Variants in SAMD4A observed in about 807,000 individuals in gnomAD.
The protein encoded by SAMD4A is protein Smaug homolog 1.
A neutral mutation model predicts 81.3 loss-of-function variants in SAMD4A; 33 were observed. The observed-to-expected ratio is 0.41, with a 90% CI of 0.31 to 0.54. The LOEUF (loss-of-function observed/expected upper bound fraction) is 0.54. Among genes scored for constraint, SAMD4A ranks in the 20% least tolerant of loss-of-function variants. The pLI is 0.37. For synonymous variants in SAMD4A, 389 were observed against 382.1 expected, an observed-to-expected ratio of 1.02 and a Z score of -0.21; for missense variants, 854 against 951.1, an observed-to-expected ratio of 0.90 and a Z score of 1.34.
chr14:54,662,843 G>C (rs897100299), intron 2 of SAMD4A, among the ~76,000 whole-genome samples: 2 of 152,152 alleles, frequency 1.3e-5, no homozygotes, highest in Admixed American at 1.3e-4. Flanking sequence ...CACACCCCAC[G>C]TTGACCCCCA....
intron 2 of SAMD4A, among the ~76,000 whole-genome samples, chr14:54,686,804 C>T (rs2036283064): frequency 6.6e-6 from 1 of 152,206 alleles, no homozygotes; most frequent in African/African-American, 2.4e-5. Flanking sequence ...AGGCAGATCA[C>T]ATGGGGGACA....
chr14:54,565,904 G>A (rs1283763308), upstream of SAMD4A, among the ~76,000 whole-genome samples: 1 of 151,390 alleles, frequency 6.6e-6, no homozygotes, highest in Non-Finnish European at 1.5e-5. This position sits in a 1 kb window ranked among gnomAD's most constrained non-coding sequence, Gnocchi z 5.4. Flanking sequence ...CTCCCACTCC[G>A]CTCCCCTCCC....
At chr14:54,772,499 C>G (rs1298861844) in intron 9 of SAMD4A, among the ~76,000 whole-genome samples, 1 of 152,184 alleles carries the variant, frequency 6.6e-6, no homozygotes, top group Non-Finnish European at 1.5e-5. Context: ...CTCCCCTCCC[C>G]TATACAGCTG....
intron 3 of SAMD4A, among the ~76,000 whole-genome samples, chr14:54,722,797 C>G (rs2037296008): frequency 6.6e-6 from 1 of 152,182 alleles, no homozygotes; most frequent in Admixed American, 6.5e-5. Context: ...TGCAGTGTTA[C>G]CTATACCTTC....
chr14:54,638,946 T>C (rs2035101182), intron 2 of SAMD4A, among the ~76,000 whole-genome samples: 1 of 152,230 alleles, frequency 6.6e-6, no homozygotes, highest in South Asian at 2.1e-4. Flanking sequence ...TTTTGCTTCT[T>C]GGCATTTATT....
chr14:54,731,752 G>T (rs1408766976), intron 3 of SAMD4A, among the ~76,000 whole-genome samples: 2 of 152,178 alleles, frequency 1.3e-5, no homozygotes, highest in Admixed American at 6.5e-5. Context: ...TCTCTATGTG[G>T]CTGGACTCAT....
intron 12 of SAMD4A, among the ~76,000 whole-genome samples, chr14:54,787,720 G>GA (rs759091159): frequency 6.6e-6 from 1 of 152,152 alleles, no homozygotes; most frequent in East Asian, 1.9e-4. Flanking sequence ...CTGCTCACTG[G>GA]AAAAAATCCT....
chr14:54,748,992 C>A, intron 5 of SAMD4A, 68 bp downstream of exon 5: 1 of 1,158,808 alleles, frequency 8.6e-7, no homozygotes, highest in South Asian at 1.3e-5. Context: ...AAGGCCTGGA[C>A]AACCTTGTTT....
intron 2 of SAMD4A, among the ~76,000 whole-genome samples, chr14:54,595,269 C>T (rs1269155804): frequency 2.0e-5 from 3 of 152,058 alleles, no homozygotes; most frequent in Non-Finnish European, 4.4e-5. Context: ...TTGAGCACAT[C>T]TTCACTAGAG....
At chr14:54,577,528 C>G (rs1034280224) in intron 2 of SAMD4A, among the ~76,000 whole-genome samples, 4 of 152,208 alleles carry the variant, frequency 2.6e-5, no homozygotes, top group Admixed American at 2.6e-4. Flanking sequence ...ATCCCCTAAA[C>G]CTAAGCTAGA....
At chr14:54,647,678 C>T (rs2035315788) in intron 2 of SAMD4A, among the ~76,000 whole-genome samples, 1 of 152,096 alleles carries the variant, frequency 6.6e-6, no homozygotes, top group African/African-American at 2.4e-5. Context: ...TGTAATATAC[C>T]TTTTCCTTAA....
chr14:54,691,086 G>C (rs762601617), intron 2 of SAMD4A, among the ~76,000 whole-genome samples: 3 of 152,140 alleles, frequency 2.0e-5, no homozygotes, highest in Non-Finnish European at 4.4e-5. Flanking sequence ...GGGCTGTGTG[G>C]GTCTGTAGAC....
rs750710508 is a variant in SAMD4A, at chr14:54,760,441, C to T, written c.1457C>T (p.Ala486Val). Reference sequence around the variant, plus strand: ...AGCTGCGATGGGGAGCTGGCCGTCGCCCCCCTGCCAGAGGGGGACCTCCCC... The same window carrying T: ...AGCTGCGATGGGGAGCTGGCCGTCGTCCCCCTGCCAGAGGGGGACCTCCCC... ...LSSCDGELAV[A>V]PLPEGDLPGQ... The change falls in exon 7 of 13, where the codon GCC becomes GTC. Residue 486 changes from alanine to valine, a missense_variant. Ala to Val is a moderately conservative substitution (Grantham distance 64). Coordinates refer to ENST00000554335, the MANE Select transcript of SAMD4A (RefSeq NM_015589.6). 51 of 1,427,530 alleles carry T rather than the reference C, an allele frequency of 3.6e-5. No individual in the cohort carries two copies. In the East Asian group the frequency reaches 8.2e-4, roughly 23 times the overall value. The allele number at this position is 1,427,530 out of a possible 1,614,324, so 88.4% of individuals were successfully genotyped here. A position where few individuals can be genotyped will look rare whatever the true frequency, so the allele number is the denominator to read the frequency against.
chr14:54,756,104 A>G (rs2038232037), intron 6 of SAMD4A, among the ~76,000 whole-genome samples: 1 of 152,220 alleles, frequency 6.6e-6, no homozygotes, highest in African/African-American at 2.4e-5. Flanking sequence ...GATAAACTTA[A>G]TATTAAATGC....
chr14:54,662,042 T>A (rs2035653488), intron 2 of SAMD4A, among the ~76,000 whole-genome samples: 1 of 152,178 alleles, frequency 6.6e-6, no homozygotes, highest in Non-Finnish European at 1.5e-5. Context: ...GTGATCAGAT[T>A]TGGCAGGTAG....
At chr14:54,615,926 G>A (rs189726052) in intron 2 of SAMD4A, among the ~76,000 whole-genome samples, 9 of 151,322 alleles carry the variant, frequency 5.9e-5, no homozygotes, top group African/African-American at 2.2e-4. Context: ...TAAAATAGAA[G>A]TGAGTGGGAA....
chr14:54,653,183 C>T (rs1365148940), intron 2 of SAMD4A, among the ~76,000 whole-genome samples: 1 of 151,956 alleles, frequency 6.6e-6, no homozygotes, highest in Non-Finnish European at 1.5e-5. Context: ...GTTGGAAGCT[C>T]ACCCTGCAAA....
At chr14:54,622,756 G>C (rs149878125) in intron 2 of SAMD4A, among the ~76,000 whole-genome samples, 2 of 152,198 alleles carry the variant, frequency 1.3e-5, no homozygotes. Context: ...GTCGTGCAGC[G>C]TAGGCGTGGG....
At chr14:54,768,220 G>A (rs1029006810) in intron 8 of SAMD4A, among the ~76,000 whole-genome samples, 3 of 152,132 alleles carry the variant, frequency 2.0e-5, no homozygotes, top group Non-Finnish European at 2.9e-5. Flanking sequence ...TACTTAACGC[G>A]ATGAACAGCC....
Sources: allele counts gnomAD v4.1 joint callset (sites outside exome capture counted in the v4.1 genomes callset), GRCh38; gene constraint gnomAD v4.1.1; non-coding constraint Gnocchi (gnomAD v3.1); transcripts MANE v1.5; gene names NCBI Gene and HGNC (gene_info 2026-07-23, HGNC 2026-07-21).